C12orf42: variants seen among roughly 807,000 people sequenced by gnomAD.
The protein encoded by C12orf42 is uncharacterized protein C12orf42.
In C12orf42, 25 loss-of-function variants were observed where a neutral mutation model predicts 21.6. The observed-to-expected ratio is 1.16, with a 90% CI of 0.84 to 1.62. The LOEUF (loss-of-function observed/expected upper bound fraction) is 1.62, where lower values mean the gene tolerates loss of function less well. C12orf42 is among the 40% of genes most tolerant of loss of function. The probability of loss-of-function intolerance (pLI) is 0.00; values close to 1 mark genes in which losing one functional copy is unlikely to be tolerated. For synonymous variants in C12orf42, 174 were observed against 175.0 expected (o/e 0.99, Z 0.05); for missense variants, 483 against 459.3 (o/e 1.05, Z -0.47).
chr12:103,371,737 C>G (rs370104770), intron 3 of C12orf42, among the ~76,000 whole-genome samples: 1 of 152,048 alleles, frequency 6.6e-6, no homozygotes, highest in Non-Finnish European at 1.5e-5. Flanking sequence ...CAATTCAGAG[C>G]AGGGGTTATA....
At chr12:103,197,190 A>G in the C12orf42 span, among the ~76,000 whole-genome samples, 24 of 152,198 alleles carry the variant, frequency 1.6e-4, no homozygotes, top group Non-Finnish European at 2.9e-4. Flanking sequence ...GTTTGGCTGG[A>G]TATAAAATTT....
At chr12:103,424,875 G>A (rs1178668911) in intron 2 of C12orf42, among the ~76,000 whole-genome samples, 1 of 152,290 alleles carries the variant, frequency 6.6e-6, no homozygotes, top group East Asian at 1.9e-4. Context: ...AAGCCAGGGA[G>A]CCAAGTGGTC....
At chr12:103,076,187 C>T in the C12orf42 span, among the ~76,000 whole-genome samples, 4 of 151,586 alleles carry the variant, frequency 2.6e-5, no homozygotes, top group African/African-American at 9.7e-5. Context: ...ACCTATGTAA[C>T]AAACCTGTAT....
intron 2 of C12orf42, among the ~76,000 whole-genome samples, chr12:103,430,602 C>T (rs143725811): frequency 1.1e-3 from 169 of 152,314 alleles, no homozygotes; most frequent in African/African-American, 3.6e-3. Flanking sequence ...ACTCAGCAAA[C>T]CCATTACTGG....
the C12orf42 span, among the ~76,000 whole-genome samples, chr12:103,146,506 AAAAGAAAGAGAAAG>A: frequency 7.0e-6 from 1 of 142,614 alleles, no homozygotes; most frequent in Non-Finnish European, 1.5e-5. Flanking sequence ...AAAGAAAGAG[AAAAGAAAGAGAAAG>A]AAAGAAAGAA....
chr12:103,481,765 C>G (rs1954488455), intron 1 of C12orf42, among the ~76,000 whole-genome samples: 1 of 149,806 alleles, frequency 6.7e-6, no homozygotes, highest in Non-Finnish European at 1.5e-5. Context: ...TATGTGCTTT[C>G]TACTTATCTA....
chr12:103,166,489 T>C, the C12orf42 span, among the ~76,000 whole-genome samples: 1 of 152,208 alleles, frequency 6.6e-6, no homozygotes, highest in African/African-American at 2.4e-5. Flanking sequence ...TCTTATTTTA[T>C]GGGCAAGAAT....
Position 103,478,206 on chromosome 12 carries a change from G to A in C12orf42, c.78+143C>T, listed in dbSNP as rs944595919. On this transcript the variant is annotated intron_variant, in intron 2 of 5. Transcript: ENST00000548883. ...TATGCTATAATTTACAATGATGTGA[G>A]TATGGATAAATATGGAAACTAAGAG... 6.0e-4 allele frequency: 353 copies of A among 586,404 alleles called. 1 individual carries two copies. The highest frequency in any genetic ancestry group is 1.2e-4 in the Non-Finnish European group (42 of 339,848). 36.3% of individuals were successfully genotyped at this position (586,404 alleles called of 1,614,324 possible). A position where few individuals can be genotyped will look rare whatever the true frequency, so the allele number is the denominator to read the frequency against.
chr12:103,437,353 G>C (rs1050402141), intron 2 of C12orf42, among the ~76,000 whole-genome samples: 1 of 151,976 alleles, frequency 6.6e-6, no homozygotes, highest in Non-Finnish European at 1.5e-5. Context: ...AACTAAAAAA[G>C]CAAGCGCAAA....
rs568198807 is a variant in C12orf42, at chr12:103,493,921, T to C, written c.-22+1981A>G. On this transcript the variant is annotated intron_variant, in intron 1 of 5. Transcript: ENST00000548883. ...TTAGATAATGATTTCTAACTTCATC[T>C]TCAAGATAAGTCATCTTTCTTTGAA... Among the ~76,000 whole-genome samples the C allele has an allele frequency of 8.5e-5, 13 of 152,338 alleles. No individual in the cohort carries two copies. The South Asian group carries it at 2.7e-3, about 32-fold the overall frequency.
chr12:103,163,550 T>G, the C12orf42 span, among the ~76,000 whole-genome samples: 2 of 152,240 alleles, frequency 1.3e-5, no homozygotes, highest in Non-Finnish European at 2.9e-5. Flanking sequence ...GTGTCTTTTG[T>G]TCTGTCCACA....
chr12:103,187,023 C>T, the C12orf42 span, among the ~76,000 whole-genome samples: 57 of 152,268 alleles, frequency 3.7e-4, 1 homozygote, highest in Admixed American at 3.7e-3. Flanking sequence ...TAAAACATTA[C>T]ATACTATACC....
intron 4 of C12orf42, among the ~76,000 whole-genome samples, chr12:103,329,150 C>T (rs565078744): frequency 3.3e-5 from 5 of 151,258 alleles, no homozygotes; most frequent in Non-Finnish European, 3.0e-5. Flanking sequence ...ATGGCAGGGA[C>T]GCAGGCATGC....
the C12orf42 span, among the ~76,000 whole-genome samples, chr12:103,190,890 A>G: frequency 0.52 from 79,408 of 151,796 alleles, 20,991 homozygotes; most frequent in East Asian, 0.67. Flanking sequence ...GAAGAAAATA[A>G]ACATCCAAAT....
chr12:103,260,002 G>C (rs1263266113), intron 10 of C12orf42, among the ~76,000 whole-genome samples: 1 of 152,074 alleles, frequency 6.6e-6, no homozygotes, highest in Non-Finnish European at 1.5e-5. Context: ...AGCAGCTCCT[G>C]AGCTCTTAAA....
the C12orf42 span, among the ~76,000 whole-genome samples, chr12:103,502,324 C>T: frequency 6.1e-3 from 932 of 152,270 alleles, 35 homozygotes; most frequent in Non-Finnish European, 2.1e-3. Flanking sequence ...ATGCCATGCT[C>T]CATGGAGCAG....
chr12:103,248,132 T>TA (rs2034103052), intron 10 of C12orf42, among the ~76,000 whole-genome samples: 2 of 152,168 alleles, frequency 1.3e-5, no homozygotes, highest in South Asian at 4.1e-4. Flanking sequence ...TATTCTGTGC[T>TA]TAAGACCTAA....
At chr12:103,474,454 A>ATGTG (rs371887251) in intron 2 of C12orf42, among the ~76,000 whole-genome samples, 206 of 149,374 alleles carry the variant, frequency 1.4e-3, no homozygotes, top group African/African-American at 3.5e-3. Flanking sequence ...GTATGTATGT[A>ATGTG]TGTGTGTGTG....
the C12orf42 span, among the ~76,000 whole-genome samples, chr12:103,198,139 C>T: frequency 1.1e-4 from 16 of 152,248 alleles, no homozygotes; most frequent in Non-Finnish European, 1.8e-4. Flanking sequence ...GCAATAGTGG[C>T]GGTGAAGCAA....
Sources: allele counts gnomAD v4.1 joint callset (sites outside exome capture counted in the v4.1 genomes callset), GRCh38; gene constraint gnomAD v4.1.1; transcripts MANE v1.5; gene names NCBI Gene and HGNC (gene_info 2026-07-23, HGNC 2026-07-21).